Variants in NECTIN1 observed in about 807,000 individuals in gnomAD.
NECTIN1 encodes nectin cell adhesion molecule 1, also known as nectin-1.
NECTIN1 carries 23 observed loss-of-function variants against 48.0 expected under a neutral mutation model. That is an observed-to-expected ratio of 0.48 (90% CI 0.34 to 0.68). The LOEUF (loss-of-function observed/expected upper bound fraction) is 0.68. Among genes scored for constraint, NECTIN1 ranks in the 30% least tolerant of loss-of-function variants. The pLI is 0.01. For missense variants in NECTIN1, 591 were observed against 709.9 expected, an observed-to-expected ratio of 0.83 and a Z score of 1.90; for synonymous variants, 270 against 288.9, an observed-to-expected ratio of 0.93 and a Z score of 0.66.
chr11:119,639,816 G>A (rs771196798), intron 6 of NECTIN1: 7 of 1,611,496 alleles, frequency 4.3e-6, no homozygotes, highest in Non-Finnish European at 1.7e-6. Context: ...CCAGGGTGCT[G>A]GGGAGCAGAC....
Position 119,663,084 on chromosome 11 carries a change from G to T in NECTIN1, c.*1663C>A, listed in dbSNP as rs1249748686. The T allele has an allele frequency of 1.0e-6, 1 of 985,332 alleles. No homozygotes were observed. Among genetic ancestry groups the T allele is most frequent in the Non-Finnish European group, 1.2e-6 (1 of 829,950 alleles). The allele number at this position is 985,332 out of a possible 1,614,324, so 61.0% of individuals were successfully genotyped here. A position where few individuals can be genotyped will look rare whatever the true frequency, so the allele number is the denominator to read the frequency against. ...ATGGCAGGGTGGGTCAGTGCCCGTG[G>T]GGCACAGAGTGGTCTGCCTCCCTCC... On this transcript the variant is annotated 3_prime_UTR_variant, in exon 6 of 6. Coordinates refer to ENST00000264025, the MANE Select transcript of NECTIN1 (RefSeq NM_002855.5).
chr11:119,664,611 C>G lies in NECTIN1; in HGVS notation c.*136G>C, dbSNP rs1356898397. The G allele has an allele frequency of 2.1e-6, 3 of 1,439,924 alleles. No individual in the cohort carries two copies. Among genetic ancestry groups the G allele is most frequent in the East Asian group, 2.5e-5 (1 of 39,694 alleles). The allele number at this position is 1,439,924 out of a possible 1,614,324, so 89.2% of individuals were successfully genotyped here. ...GCTGCCCTGGGCTCCCCTGGCCCCC[C>G]AGGAGTTCGGGGCTGGCTTTGGGCA... On this transcript the variant is annotated 3_prime_UTR_variant, in exon 6 of 6. Transcript: ENST00000264025.
rs1864667634 is a variant in NECTIN1, at chr11:119,661,636, G to A, written c.*3111C>T. ...CAATTTCTCTGCTCTGAGGAAGGCA[G>A]AAAAGTTATTGCACCAGTGACTTGG... On this transcript the variant is annotated 3_prime_UTR_variant, in exon 6 of 6. Coordinates refer to ENST00000264025, the MANE Select transcript of NECTIN1 (RefSeq NM_002855.5). The A allele has an allele frequency of 1.0e-6, 1 of 985,798 alleles. No individual in the cohort carries two copies. Among genetic ancestry groups the A allele is most frequent in the African/African-American group, 1.7e-5 (1 of 57,236 alleles). 61.1% of individuals were successfully genotyped at this position (985,798 alleles called of 1,614,324 possible).
chr11:119,662,431 T>C lies in NECTIN1; in HGVS notation c.*2316A>G. The C allele has an allele frequency of 1.0e-6, 1 of 985,756 alleles. No individual in the cohort carries two copies. The highest frequency in any genetic ancestry group is 1.2e-6 in the Non-Finnish European group (1 of 829,952). 61.1% of individuals were successfully genotyped at this position (985,756 alleles called of 1,614,324 possible). A position where few individuals can be genotyped will look rare whatever the true frequency, so the allele number is the denominator to read the frequency against. ...CAGGAGCCTCCTACGTGGCCCATGC[T>C]ACATGGACCCCAAAATTTGTGCTTT... On this transcript the variant is annotated 3_prime_UTR_variant, in exon 6 of 6. Transcript: ENST00000264025. This position sits in a 1 kb window ranked among gnomAD's most constrained non-coding sequence, Gnocchi z 5.3.
At chr11:119,638,738 T>A in exon 7 of NECTIN1, 1 of 1,613,788 alleles carries the variant, frequency 6.2e-7, no homozygotes. Context: ...CACCTGGATA[T>A]CCTCAGGCAC....
intron 1 of NECTIN1, among the ~76,000 whole-genome samples, chr11:119,712,513 A>C (rs1435230816): frequency 6.6e-6 from 1 of 152,198 alleles, no homozygotes; most frequent in Non-Finnish European, 1.5e-5. Flanking sequence ...TGCAAGGCTT[A>C]GGACGGGAGA....
Position 119,664,648 on chromosome 11 carries a change from C to A in NECTIN1, c.*99G>T. The A allele has an allele frequency of 6.9e-7, 1 of 1,450,168 alleles. No homozygotes were observed. The highest frequency in any genetic ancestry group is 9.1e-7 in the Non-Finnish European group (1 of 1,099,586). 89.8% of individuals were successfully genotyped at this position (1,450,168 alleles called of 1,614,324 possible). A position where few individuals can be genotyped will look rare whatever the true frequency, so the allele number is the denominator to read the frequency against. On this transcript the variant is annotated 3_prime_UTR_variant, in exon 6 of 6. Coordinates refer to ENST00000264025, the MANE Select transcript of NECTIN1 (RefSeq NM_002855.5). ...GCTGGCTTTGGGCAGCTGGGCAAGT[C>A]TCTGTTCAGCTCCTGGAGTGGGAGG...
At chr11:119,649,172 A>T (rs540333359) in intron 5 of NECTIN1, among the ~76,000 whole-genome samples, 2 of 152,294 alleles carry the variant, frequency 1.3e-5, no homozygotes, top group South Asian at 4.1e-4. Context: ...CGAGGTCAAG[A>T]GATCGAGACT....
chr11:119,655,449 T>C (rs761651602), intron 5 of NECTIN1, among the ~76,000 whole-genome samples: 4 of 152,142 alleles, frequency 2.6e-5, no homozygotes, highest in Non-Finnish European at 4.4e-5. Context: ...GGTTGTTTGA[T>C]GTTGGTGTGA....
chr11:119,716,511 C>T (rs750816364), intron 1 of NECTIN1, among the ~76,000 whole-genome samples: 13 of 152,192 alleles, frequency 8.5e-5, no homozygotes, highest in African/African-American at 1.7e-4. Flanking sequence ...CAGATACACC[C>T]GCTGACACAG....
chr11:119,722,623 G>C (rs1362791743), intron 1 of NECTIN1, among the ~76,000 whole-genome samples: 2 of 152,244 alleles, frequency 1.3e-5, no homozygotes, highest in African/African-American at 4.8e-5. Flanking sequence ...CTGCTGCCTA[G>C]GTAGCCCTCA....
intron 6 of NECTIN1, chr11:119,639,733 G>T: frequency 8.3e-7 from 1 of 1,210,604 alleles, no homozygotes; most frequent in Non-Finnish European, 1.2e-6. Flanking sequence ...GTTAGTTCCT[G>T]GTCCCCCAGG....
intron 1 of NECTIN1, among the ~76,000 whole-genome samples, chr11:119,717,398 G>A (rs1297416655): frequency 1.3e-5 from 2 of 152,236 alleles, no homozygotes; most frequent in Non-Finnish European, 2.9e-5. Flanking sequence ...ATAAATCTGG[G>A]AAGTTGCTGG....
intron 1 of NECTIN1, among the ~76,000 whole-genome samples, chr11:119,694,454 A>C (rs925669086): frequency 4.6e-5 from 7 of 152,210 alleles, no homozygotes; most frequent in African/African-American, 1.7e-4. Context: ...TCAAGCCAGG[A>C]GGCAGCCAGT....
Position 119,673,815 on chromosome 11 carries a change from G to A in NECTIN1, c.1003+1344C>T, listed in dbSNP as rs548146456. Among the ~76,000 whole-genome samples, 2 of 152,194 alleles carry A rather than the reference G, an allele frequency of 1.3e-5. No homozygotes were observed. Among genetic ancestry groups the A allele is most frequent in the African/African-American group, 4.8e-5 (2 of 41,442 alleles). ...CTGTACTTGGACCTTCCCCGCTGGG[G>A]AGAAGTGTGTGACACCGGCCCCTTC... On this transcript the variant is annotated intron_variant, in intron 5 of 5. Coordinates refer to ENST00000264025, the MANE Select transcript of NECTIN1 (RefSeq NM_002855.5). The surrounding 1 kb of genome is among the most constrained non-coding windows in gnomAD (Gnocchi z 5.8).
Position 119,680,335 on chromosome 11 carries a change from A to G in NECTIN1, c.80-1570T>C, listed in dbSNP as rs150022306. On this transcript the variant is annotated intron_variant, in intron 1 of 5. Coordinates refer to ENST00000264025, the MANE Select transcript of NECTIN1 (RefSeq NM_002855.5). ...TCATTTGTATACTTCATGTCTTTGT[A>G]TCCTTACTTCACTCACTTTATTGAG... Among the ~76,000 whole-genome samples the G allele has an allele frequency of 9.5e-4, 145 of 152,280 alleles. 2 individuals carry two copies. Among genetic ancestry groups the G allele is most frequent in the African/African-American group, 3.3e-3 (138 of 41,572 alleles).
intron 1 of NECTIN1, among the ~76,000 whole-genome samples, chr11:119,696,104 C>T (rs1188776650): frequency 2.0e-5 from 3 of 152,134 alleles, no homozygotes; most frequent in East Asian, 1.9e-4. Context: ...TAAGTCTATA[C>T]ATATATTTTA....
downstream of NECTIN1, among the ~76,000 whole-genome samples, chr11:119,660,779 C>G (rs1485669005): frequency 6.6e-6 from 1 of 152,176 alleles, no homozygotes; most frequent in African/African-American, 2.4e-5. Context: ...ATGCTGTCGT[C>G]AAAGTCCATG....
intron 1 of NECTIN1, among the ~76,000 whole-genome samples, chr11:119,728,228 G>T (rs1338571872): frequency 3.3e-5 from 5 of 152,208 alleles, no homozygotes; most frequent in Admixed American, 6.5e-5. Flanking sequence ...TTTTTGTAAA[G>T]AACTGAGCGG....
Sources: gnomAD v4.1 joint callset for allele counts (sites outside exome capture counted in the v4.1 genomes callset) on GRCh38, gnomAD v4.1.1 for gene constraint, Gnocchi (gnomAD v3.1) non-coding constraint, MANE v1.5 for transcripts, NCBI Gene and HGNC (gene_info 2026-07-23, HGNC 2026-07-21) for gene names.